TANC1: variants seen among roughly 807,000 people sequenced by gnomAD.
TANC1 encodes tetratricopeptide repeat, ankyrin repeat and coiled-coil containing 1.
Under a neutral mutation model 149.7 loss-of-function variants are expected in TANC1, and 77 were observed. The ratio of observed to expected loss-of-function variants is 0.51; its 90% CI spans 0.43 to 0.62. The LOEUF is 0.62. Ranked by LOEUF, TANC1 falls within the 20% of genes least tolerant of loss-of-function variation. The pLI is 0.00. For synonymous variants in TANC1, 854 were observed against 925.0 expected (o/e 0.92, Z 1.39); for missense variants, 1,985 against 2,321.8 (o/e 0.85, Z 2.98).
intron 3 of TANC1, among the ~76,000 whole-genome samples, chr2:159,071,795 T>C (rs988325551): frequency 9.9e-5 from 15 of 152,210 alleles, no homozygotes; most frequent in African/African-American, 3.6e-4. Flanking sequence ...GTGACTCTCT[T>C]GCTGAGCTAT....
intron 22 of TANC1, among the ~76,000 whole-genome samples, chr2:159,221,726 T>A (rs1486628139): frequency 6.6e-6 from 1 of 152,238 alleles, no homozygotes; most frequent in Non-Finnish European, 1.5e-5. Context: ...GTTTTTAAAG[T>A]GATATGGCAT....
intron 2 of TANC1, among the ~76,000 whole-genome samples, chr2:159,040,588 G>A (rs938356415): frequency 2.0e-5 from 3 of 152,078 alleles, no homozygotes; most frequent in Admixed American, 6.6e-5. Context: ...TGTAGTTCTC[G>A]TGCCATGATT....
intron 22 of TANC1, among the ~76,000 whole-genome samples, chr2:159,223,969 G>A (rs192020204): frequency 2.1e-3 from 316 of 152,316 alleles, no homozygotes; most frequent in African/African-American, 6.5e-3. Flanking sequence ...GACAGATCAC[G>A]CATGTGTGCA....
intron 14 of TANC1, among the ~76,000 whole-genome samples, chr2:159,184,250 T>A (rs2056768684): frequency 6.6e-6 from 1 of 152,202 alleles, no homozygotes; most frequent in African/African-American, 2.4e-5. Flanking sequence ...ACCTGGAAGC[T>A]TTGGAAATTA....
At chr2:158,981,755 C>T (rs542309451) in intron 1 of TANC1, among the ~76,000 whole-genome samples, 2 of 151,250 alleles carry the variant, frequency 1.3e-5, no homozygotes, top group East Asian at 2.0e-4. Context: ...AATTTTATTC[C>T]GAATGACAAG....
chr2:158,994,084 T>C (rs2035926512), intron 1 of TANC1, among the ~76,000 whole-genome samples: 1 of 152,212 alleles, frequency 6.6e-6, no homozygotes, highest in Non-Finnish European at 1.5e-5. Context: ...CAGGGGGGGA[T>C]TTCTATCTCA....
Position 159,185,991 on chromosome 2 carries a change from GA to G in TANC1, c.2619+95del, listed in dbSNP as rs1370979350. 3 of 947,938 alleles carry G rather than the reference GA, an allele frequency of 3.2e-6. No homozygotes were observed. In the African/African-American group the frequency reaches 4.9e-5, roughly 15 times the overall value. 58.7% of individuals were successfully genotyped at this position (947,938 alleles called of 1,614,324 possible). A position where few individuals can be genotyped will look rare whatever the true frequency, so the allele number is the denominator to read the frequency against. On this transcript the variant is annotated intron_variant, in intron 15 of 26. Coordinates refer to ENST00000263635, the MANE Select transcript of TANC1 (RefSeq NM_033394.3). The stretch of plus-strand genomic sequence containing the variant: ...TTAGACAGCTCTGTCAGCCATCCAA[GA>G]AACGCTCCATGCACCTCAGCCCAAA...
At chr2:159,122,766 C>CT (rs35478930) in intron 4 of TANC1, among the ~76,000 whole-genome samples, 34,785 of 144,206 alleles carry the variant, frequency 0.24, 5,352 homozygotes, top group Non-Finnish European at 0.36. Flanking sequence ...CTTTTTTCTT[C>CT]TTTTTTTTTT....
intron 4 of TANC1, among the ~76,000 whole-genome samples, chr2:159,117,618 A>T (rs1402687770): frequency 2.0e-5 from 3 of 150,670 alleles, no homozygotes; most frequent in African/African-American, 4.9e-5. Flanking sequence ...GGATGGTCTC[A>T]ATCTCCTGAC....
chr2:158,971,772 G>T (rs531626886), intron 1 of TANC1, among the ~76,000 whole-genome samples: 1 of 152,176 alleles, frequency 6.6e-6, no homozygotes, highest in South Asian at 2.1e-4. Context: ...CTGCTATGGG[G>T]TTTATAAGGG....
chr2:158,981,122 C>T (rs2034259677), intron 1 of TANC1, among the ~76,000 whole-genome samples: 1 of 151,994 alleles, frequency 6.6e-6, no homozygotes, highest in South Asian at 2.1e-4. Flanking sequence ...CTCTGCACTT[C>T]CGACCCCCTC....
At chr2:159,099,196 AGCTG>A (rs1197312163) in intron 4 of TANC1, among the ~76,000 whole-genome samples, 1 of 152,204 alleles carries the variant, frequency 6.6e-6, no homozygotes, top group Non-Finnish European at 1.5e-5. Flanking sequence ...TCCATTAATT[AGCTG>A]GAACTCAGGA....
At chr2:159,103,567 T>C (rs1326562472) in intron 4 of TANC1, among the ~76,000 whole-genome samples, 1 of 96,530 alleles carries the variant, frequency 1.0e-5, no homozygotes, top group African/African-American at 2.9e-5. Context: ...TGAGACTGTG[T>C]CGGGAATTAT....
chr2:159,117,851 G>A (rs1199629929), intron 4 of TANC1, among the ~76,000 whole-genome samples: 1 of 151,298 alleles, frequency 6.6e-6, no homozygotes, highest in Non-Finnish European at 1.5e-5. Flanking sequence ...TCCTTGTTTT[G>A]ATGACCTTGG....
intron 3 of TANC1, among the ~76,000 whole-genome samples, chr2:159,091,969 G>T (rs547717867): frequency 3.2e-4 from 46 of 145,354 alleles, no homozygotes; most frequent in African/African-American, 8.3e-4. Flanking sequence ...TATAGGGGGG[G>T]GTGTGTGTGT....
chr2:159,130,118 C>T (rs937747748), intron 4 of TANC1, among the ~76,000 whole-genome samples: 37 of 152,132 alleles, frequency 2.4e-4, no homozygotes, highest in African/African-American at 8.9e-4. Context: ...TAATACCAGA[C>T]GGTCTTTCCT....
rs56821645 is a variant in TANC1 at position 159,162,984 on chromosome 2, T to C, written c.683-299T>C. On this transcript the variant is annotated intron_variant, in intron 7 of 26. Coordinates refer to ENST00000263635, the MANE Select transcript of TANC1 (RefSeq NM_033394.3). ...TTTGTTAAAAAGAGGATACATTATC[T>C]CCAGGTTACATAATTTTACTCTTAA... Among the ~76,000 whole-genome samples, 262 of 152,358 alleles carry C rather than the reference T, an allele frequency of 1.7e-3. 1 individual carries two copies. Among genetic ancestry groups the C allele is most frequent in the African/African-American group, 6.0e-3 (251 of 41,586 alleles).
intron 8 of TANC1, among the ~76,000 whole-genome samples, chr2:159,168,289 T>C (rs1483430311): frequency 6.9e-6 from 1 of 144,278 alleles, no homozygotes. Context: ...AATGTTTGAA[T>C]AGATCTTTAA....
chr2:158,979,636 G>T (rs1048700837), intron 1 of TANC1, among the ~76,000 whole-genome samples: 1 of 152,120 alleles, frequency 6.6e-6, no homozygotes, highest in Non-Finnish European at 1.5e-5. Flanking sequence ...TTTTGTTGTT[G>T]TTGTTCTTGG....
Sources: allele counts gnomAD v4.1 joint callset (sites outside exome capture counted in the v4.1 genomes callset), GRCh38; gene constraint gnomAD v4.1.1; transcripts MANE v1.5; gene names NCBI Gene and HGNC (gene_info 2026-07-23, HGNC 2026-07-21).